The following MSR1 variants were observed in gnomAD, a reference collection of about 807,000 sequenced individuals.
MSR1 encodes the protein macrophage scavenger receptor types I and II.
MSR1 carries 53 observed loss-of-function variants against 47.2 expected under a neutral mutation model. The observed-to-expected ratio is 1.12, with a 90% CI of 0.90 to 1.41. The LOEUF (loss-of-function observed/expected upper bound fraction) is 1.41, where lower values mean the gene tolerates loss of function less well. MSR1 is among the 40% of genes most tolerant of loss of function. The probability of loss-of-function intolerance (pLI) is 0.00; values close to 1 mark genes in which losing one functional copy is unlikely to be tolerated. For missense variants in MSR1, 786 were observed against 546.9 expected, an observed-to-expected ratio of 1.44 and a Z score of -4.36; for synonymous variants, 239 against 185.6, an observed-to-expected ratio of 1.29 and a Z score of -2.34.
At chr8:16,128,927 C>T (rs1800191249) in intron 8 of MSR1, among the ~76,000 whole-genome samples, 1 of 152,084 alleles carries the variant, frequency 6.6e-6, no homozygotes, top group South Asian at 2.1e-4. Flanking sequence ...ATTGATAAAG[C>T]ACATGTCCTT....
intron 8 of MSR1, among the ~76,000 whole-genome samples, chr8:16,133,533 A>G (rs553681532): frequency 6.6e-6 from 1 of 152,244 alleles, no homozygotes; most frequent in South Asian, 2.1e-4. Flanking sequence ...AACTTTCTCA[A>G]AATACTCTCA....
rs190806308 is a variant in MSR1 at position 16,117,930 on chromosome 8, T to C, written c.1222+2488A>G. ...ATGTGCACAATAAATGTCATGTGCT[T>C]GAACCATCCCCAAACCTTCTCCCAT... is the stretch of plus-strand genomic sequence containing the variant. On this transcript the variant is annotated intron_variant, in intron 9 of 9. Coordinates refer to ENST00000262101, the MANE Select transcript of MSR1 (RefSeq NM_138715.3). Among the ~76,000 whole-genome samples, 46 of 152,278 alleles carry C rather than the reference T, an allele frequency of 3.0e-4. 2 individuals are homozygous for C.
Position 16,177,977 on chromosome 8 carries a change from C to G in MSR1, c.12G>C (p.Trp4Cys), listed in dbSNP as rs747530059. The G allele has an allele frequency of 1.9e-6, 3 of 1,613,496 alleles. No homozygotes were observed. The South Asian group carries it at 3.3e-5, about 18-fold the overall frequency. ...CCTCCTGTTGATTGTGAAAGTGATC[C>G]CACTGCTCCATACTTCTATGAAACA... is the stretch of plus-strand genomic sequence containing the variant. MEQ[W>C]DHFHNQQEDT... Residue 4 changes from tryptophan to cysteine, a missense_variant, in exon 2 of 10, where the codon TGG (tryptophan) becomes TGC (cysteine). Transcript: ENST00000262101.
intron 3 of MSR1, among the ~76,000 whole-genome samples, chr8:16,172,194 G>C (rs1253899264): frequency 6.6e-6 from 1 of 152,052 alleles, no homozygotes; most frequent in East Asian, 1.9e-4. Context: ...ACTTTCACTG[G>C]AAATAAGATT....
Position 16,114,438 on chromosome 8 carries a change from G to C in MSR1, c.1223-4220C>G, listed in dbSNP as rs982835767. ...ACTCCAGATCTTACTTCCCTCATCA[G>C]CATCCATACAGGCTCAGATATACCT... On this transcript the variant is annotated intron_variant, in intron 9 of 9. Coordinates refer to ENST00000262101, the MANE Select transcript of MSR1 (RefSeq NM_138715.3). Among the ~76,000 whole-genome samples, 5 of 152,076 alleles carry C rather than the reference G, an allele frequency of 3.3e-5. No individual in the cohort carries two copies. In the East Asian group the frequency reaches 9.7e-4, roughly 29 times the overall value.
intron 9 of MSR1, among the ~76,000 whole-genome samples, chr8:16,111,042 T>C (rs761375210): frequency 1.3e-4 from 20 of 151,972 alleles, no homozygotes; most frequent in East Asian, 1.9e-4. Flanking sequence ...GGACACTTTT[T>C]AGTTCCCAAA....
At chr8:16,171,000 G>C (rs978325596) in intron 3 of MSR1, among the ~76,000 whole-genome samples, 2 of 152,020 alleles carry the variant, frequency 1.3e-5, no homozygotes, top group Admixed American at 1.3e-4. Context: ...GCTGTGTGTG[G>C]ATCACCTGAG....
intron 9 of MSR1, among the ~76,000 whole-genome samples, chr8:16,114,201 A>AT (rs1554460349): frequency 6.7e-6 from 1 of 148,664 alleles, no homozygotes; most frequent in Non-Finnish European, 1.5e-5. Flanking sequence ...ATAGAGGTGC[A>AT]TTTTTTGATT....
At chr8:16,158,930 A>ATTTTTTTTTTTTTTTTTTTTTTTTAT (rs34495946) in intron 5 of MSR1, among the ~76,000 whole-genome samples, 1 of 107,804 alleles carries the variant, frequency 9.3e-6, no homozygotes, top group Non-Finnish European at 1.8e-5. Context: ...CCTTTGGTTA[A>ATTTTTTTTTTTTTTTTTTTTTTTTAT]TTTTTTTTTT....
At chr8:16,169,748 AT>A (rs1264165195) in intron 3 of MSR1, among the ~76,000 whole-genome samples, 1 of 152,054 alleles carries the variant, frequency 6.6e-6, no homozygotes, top group East Asian at 1.9e-4. Flanking sequence ...TTCTACAAAA[AT>A]AATTTTAAAA....
chr8:16,120,740 G>C (rs77878262), intron 8 of MSR1, 134 bp from the exon 9 acceptor site: 5 of 1,101,016 alleles, frequency 4.5e-6, no homozygotes, highest in Non-Finnish European at 6.3e-6. Context: ...TCAACTATTG[G>C]AATAAATATT....
At chr8:16,150,077 C>G (rs1800805581) in intron 7 of MSR1, among the ~76,000 whole-genome samples, 154 bp downstream of exon 7, 1 of 146,296 alleles carries the variant, frequency 6.8e-6, no homozygotes, top group Admixed American at 6.9e-5. Flanking sequence ...TTTTTATCAT[C>G]CAAGAATTTA....
chr8:16,121,674 C>T (rs914324654), intron 8 of MSR1, among the ~76,000 whole-genome samples: 1 of 151,400 alleles, frequency 6.6e-6, no homozygotes, highest in African/African-American at 2.4e-5. Context: ...ATCATAAAAA[C>T]TAATAAATGT....
At position 16,127,094 on chromosome 8, in the gene MSR1, T is replaced by C. The variant is rs186239178; in HGVS notation, c.1034-6488A>G. ...GTGATGGGAGAAAAAAAGTATCATA[T>C]ATTAAATAGCAGTTTCTCAACTACT... is the stretch of plus-strand genomic sequence containing the variant. On this transcript the variant is annotated intron_variant, in intron 8 of 9. Coordinates refer to ENST00000262101, the MANE Select transcript of MSR1 (RefSeq NM_138715.3). 3.7e-4 allele frequency among the ~76,000 whole-genome samples: 57 copies of C among 152,298 alleles called. 1 individual carries two copies. The highest frequency in any genetic ancestry group is 8.9e-4 in the African/African-American group (37 of 41,570).
At chr8:16,174,252 T>TG (rs1801574021) in intron 3 of MSR1, among the ~76,000 whole-genome samples, 1 of 129,600 alleles carries the variant, frequency 7.7e-6, no homozygotes, top group Non-Finnish European at 1.8e-5. Context: ...TTAGGAACTT[T>TG]TTTGTTGTTG....
At chr8:16,146,930 T>C (rs1800715435) in intron 7 of MSR1, among the ~76,000 whole-genome samples, 1 of 152,134 alleles carries the variant, frequency 6.6e-6, no homozygotes, top group Non-Finnish European at 1.5e-5. Flanking sequence ...AGAGAGAAAA[T>C]GTTCAGTAAA....
intron 4 of MSR1, among the ~76,000 whole-genome samples, chr8:16,167,826 T>C (rs746525958): frequency 6.6e-6 from 1 of 152,220 alleles, no homozygotes; most frequent in Non-Finnish European, 1.5e-5. Flanking sequence ...CTTTGTACAC[T>C]TTCTCTAATC....
chr8:16,190,279 A>G (rs1802161022), intron 1 of MSR1, among the ~76,000 whole-genome samples: 1 of 152,178 alleles, frequency 6.6e-6, no homozygotes, highest in South Asian at 2.1e-4. Context: ...AGTGAAAGGA[A>G]AACTATTTTG....
chr8:16,137,054 C>G (rs1800407358), intron 8 of MSR1, among the ~76,000 whole-genome samples: 1 of 149,668 alleles, frequency 6.7e-6, no homozygotes, highest in Admixed American at 6.7e-5. Context: ...AAAAAAAAGA[C>G]ACAATAAAAA....
Sources: gnomAD v4.1 joint callset for allele counts (sites outside exome capture counted in the v4.1 genomes callset) on GRCh38, gnomAD v4.1.1 for gene constraint, MANE v1.5 for transcripts, NCBI Gene and HGNC (gene_info 2026-07-23, HGNC 2026-07-21) for gene names.